Variants in PRKACB observed in about 807,000 individuals in gnomAD.
PRKACB encodes protein kinase cAMP-activated catalytic subunit beta.
PRKACB carries 16 observed loss-of-function variants against 51.4 expected under a neutral mutation model. The ratio of observed to expected loss-of-function variants is 0.31; its 90% CI spans 0.21 to 0.47. PRKACB has a LOEUF of 0.47. Ranked by LOEUF, PRKACB falls within the 20% of genes least tolerant of loss-of-function variation. PRKACB has a pLI of 1.00. For missense variants in PRKACB, 309 were observed against 464.5 expected (o/e 0.67, Z 3.08); for synonymous variants, 147 against 154.4 (o/e 0.95, Z 0.35).
At chr1:84,181,602 T>C in intron 2 of PRKACB, 1 of 1,092,552 alleles carries the variant, frequency 9.2e-7, no homozygotes, top group Non-Finnish European at 1.2e-6. Flanking sequence ...TTATTGTTGT[T>C]GTTTTAGATA....
chr1:84,155,931 A>T (rs1655441631), intron 1 of PRKACB, among the ~76,000 whole-genome samples: 1 of 152,106 alleles, frequency 6.6e-6, no homozygotes, highest in Admixed American at 6.5e-5. Flanking sequence ...TACTCCTAGG[A>T]GTTTACTCAT....
intron 1 of PRKACB, among the ~76,000 whole-genome samples, chr1:84,099,131 A>C (rs1264113735): frequency 6.6e-6 from 1 of 152,138 alleles, no homozygotes; most frequent in Non-Finnish European, 1.5e-5. Flanking sequence ...TACATATTCG[A>C]TGAATGTGTA....
At chr1:84,212,204 G>T (rs972325487) in intron 8 of PRKACB, among the ~76,000 whole-genome samples, 3 of 152,088 alleles carry the variant, frequency 2.0e-5, no homozygotes, top group Non-Finnish European at 2.9e-5. Context: ...ATGTACATAT[G>T]AATCCCTTGG....
chr1:84,196,382 G>T (rs953312117), intron 5 of PRKACB, among the ~76,000 whole-genome samples: 1 of 151,978 alleles, frequency 6.6e-6, no homozygotes, highest in East Asian at 1.9e-4. Flanking sequence ...ACTATTTTAG[G>T]TTTATATTTT....
chr1:84,146,091 G>T (rs774798229), intron 1 of PRKACB, among the ~76,000 whole-genome samples: 26 of 151,376 alleles, frequency 1.7e-4, no homozygotes, highest in Non-Finnish European at 3.2e-4. Flanking sequence ...TTAAAATCTA[G>T]TAATGGAAAA....
intron 5 of PRKACB, among the ~76,000 whole-genome samples, chr1:84,195,067 G>T (rs1667838190): frequency 6.6e-6 from 1 of 152,112 alleles, no homozygotes; most frequent in Non-Finnish European, 1.5e-5. Flanking sequence ...TGCATTTTAT[G>T]TTTACAGATG....
intron 8 of PRKACB, chr1:84,204,577 G>A: frequency 6.8e-7 from 1 of 1,475,860 alleles, no homozygotes; most frequent in Non-Finnish European, 9.1e-7. Context: ...ACTCTCAAGA[G>A]GACTAAAGGT....
chr1:84,218,520 C>T (rs560699476), intron 9 of PRKACB, among the ~76,000 whole-genome samples: 44 of 152,132 alleles, frequency 2.9e-4, no homozygotes, highest in Non-Finnish European at 5.4e-4. Context: ...AAATAGTATT[C>T]CTATATATAT....
At chr1:84,193,109 A>G (rs1394851714) in intron 5 of PRKACB, among the ~76,000 whole-genome samples, 1 of 152,136 alleles carries the variant, frequency 6.6e-6, no homozygotes, top group South Asian at 2.1e-4. Context: ...CCCCAACAGG[A>G]GATCAGTTAA....
At chr1:84,092,566 A>G (rs1462597772) in intron 1 of PRKACB, among the ~76,000 whole-genome samples, 1 of 152,148 alleles carries the variant, frequency 6.6e-6, no homozygotes, top group Non-Finnish European at 1.5e-5. Context: ...ACATGCATAT[A>G]TACATGCATA....
chr1:84,146,464 G>A (rs1258674570), intron 1 of PRKACB, among the ~76,000 whole-genome samples: 1 of 151,856 alleles, frequency 6.6e-6, no homozygotes, highest in Non-Finnish European at 1.5e-5. Context: ...AAATTCCAAG[G>A]TTTATTTTTG....
chr1:84,163,075 C>T (rs1049107533), intron 1 of PRKACB, among the ~76,000 whole-genome samples: 2 of 151,696 alleles, frequency 1.3e-5, no homozygotes, highest in South Asian at 4.2e-4. Context: ...TAGGGATTGC[C>T]CTGTGTCTCT....
chr1:84,102,288 A>G (rs1453031923), intron 1 of PRKACB, among the ~76,000 whole-genome samples: 1 of 151,974 alleles, frequency 6.6e-6, no homozygotes, highest in African/African-American at 2.4e-5. Flanking sequence ...TTGGGAGGCT[A>G]AGGTAGGAGA....
chr1:84,165,325 G>A (rs1363540233), intron 1 of PRKACB, among the ~76,000 whole-genome samples: 5 of 151,674 alleles, frequency 3.3e-5, no homozygotes, highest in Non-Finnish European at 7.4e-5. Context: ...CATAAGAGAG[G>A]ATTTTCTTTT....
intron 1 of PRKACB, among the ~76,000 whole-genome samples, chr1:84,156,181 A>G (rs756365149): frequency 2.6e-5 from 4 of 151,810 alleles, no homozygotes; most frequent in Non-Finnish European, 5.9e-5. Context: ...TTTTTTGTAG[A>G]GATGAGATCT....
At chr1:84,186,061 G>C (rs1664996671) in intron 5 of PRKACB, among the ~76,000 whole-genome samples, 2 of 152,020 alleles carry the variant, frequency 1.3e-5, no homozygotes, top group Non-Finnish European at 2.9e-5. Context: ...GTTAAGTTTT[G>C]GGGAGCTGGC....
intron 1 of PRKACB, chr1:84,173,431 G>A (rs2100849973): frequency 1.6e-6 from 2 of 1,213,836 alleles, no homozygotes; most frequent in East Asian, 2.6e-5. Context: ...ATATTTTGTG[G>A]CAATTAGAAT....
chr1:84,097,521 G>C (rs1429898164), intron 1 of PRKACB, among the ~76,000 whole-genome samples: 3 of 151,944 alleles, frequency 2.0e-5, no homozygotes, highest in Non-Finnish European at 1.5e-5. Flanking sequence ...TGTGTGTGGG[G>C]AGAAAGATTA....
intron 9 of PRKACB, among the ~76,000 whole-genome samples, chr1:84,231,494 T>TG (rs1303559624): frequency 1.8e-4 from 27 of 152,350 alleles, no homozygotes; most frequent in Non-Finnish European, 3.2e-4. Context: ...TCAGAAGGAA[T>TG]GGTACCAATT....
Sources: allele counts gnomAD v4.1 joint callset (sites outside exome capture counted in the v4.1 genomes callset), GRCh38; gene constraint gnomAD v4.1.1; transcripts MANE v1.5; gene names NCBI Gene and HGNC (gene_info 2026-07-23, HGNC 2026-07-21).